Variants in MKLN1 observed in about 807,000 individuals in gnomAD.
The protein encoded by MKLN1 is muskelin 1.
MKLN1 carries 18 observed loss-of-function variants against 99.0 expected under a neutral mutation model. The observed-to-expected ratio is 0.18, with a 90% CI of 0.13 to 0.27. The LOEUF is 0.27. Among genes scored for constraint, MKLN1 ranks in the 10% least tolerant of loss-of-function variants. MKLN1 has a pLI of 1.00. For missense variants in MKLN1, 621 were observed against 875.9 expected (o/e 0.71, Z 3.67); for synonymous variants, 288 against 293.2 (o/e 0.98, Z 0.18).
intron 3 of MKLN1, among the ~76,000 whole-genome samples, chr7:131,271,448 C>T (rs938265817): frequency 1.1e-4 from 17 of 151,146 alleles, no homozygotes; most frequent in Non-Finnish European, 2.2e-4. Context: ...GAAACCGTGT[C>T]TCTACTAAAA....
chr7:131,119,101 T>G (rs1795321655), intron 1 of MKLN1, among the ~76,000 whole-genome samples: 1 of 152,234 alleles, frequency 6.6e-6, no homozygotes, highest in Admixed American at 6.5e-5. Flanking sequence ...CCTATGAGCC[T>G]GTAAAATCAA....
At chr7:131,288,573 T>G (rs1399554045) in intron 3 of MKLN1, among the ~76,000 whole-genome samples, 1 of 151,060 alleles carries the variant, frequency 6.6e-6, no homozygotes, top group Admixed American at 6.6e-5. Flanking sequence ...AGTCTAAGCT[T>G]AAGACTAATA....
chr7:131,329,363 A>G (rs1799000288), intron 1 of MKLN1, among the ~76,000 whole-genome samples: 1 of 152,202 alleles, frequency 6.6e-6, no homozygotes, highest in African/African-American at 2.4e-5. Flanking sequence ...ATTCATGGCC[A>G]TATCCCTGAT....
At chr7:131,309,854 T>TAGCTGGG (rs1337546830) in intron 3 of MKLN1, 1 of 150,030 alleles carries the variant, frequency 6.7e-6, no homozygotes, top group Non-Finnish European at 1.5e-5. Context: ...GCCTCCCGAG[T>TAGCTGGG]AGCTGGGACT....
intron 3 of MKLN1, among the ~76,000 whole-genome samples, chr7:131,318,852 G>A (rs1296562874): frequency 6.6e-6 from 1 of 152,110 alleles, no homozygotes; most frequent in Non-Finnish European, 1.5e-5. Flanking sequence ...TAGAAGAAAT[G>A]GATAAATTCC....
intron 1 of MKLN1, among the ~76,000 whole-genome samples, chr7:131,114,514 C>T (rs903901784): frequency 6.6e-6 from 1 of 151,972 alleles, no homozygotes; most frequent in Non-Finnish European, 1.5e-5. Context: ...CTATGAAAAC[C>T]CTGATATTTA....
chr7:131,158,036 C>G (rs1420806022), intron 2 of MKLN1, among the ~76,000 whole-genome samples: 3 of 152,184 alleles, frequency 2.0e-5, no homozygotes, highest in Non-Finnish European at 4.4e-5. Context: ...GGGCAACAAT[C>G]CTCCGCAAGC....
At chr7:131,166,076 A>G (rs1002222362) in intron 2 of MKLN1, among the ~76,000 whole-genome samples, 2 of 150,792 alleles carry the variant, frequency 1.3e-5, no homozygotes, top group African/African-American at 4.9e-5. Context: ...GATCATGCCC[A>G]TGCACTCCAG....
At chr7:131,313,698 T>C (rs149565423) in intron 3 of MKLN1, among the ~76,000 whole-genome samples, 24 of 152,350 alleles carry the variant, frequency 1.6e-4, no homozygotes, top group East Asian at 7.7e-4. Context: ...GAATCTATCA[T>C]TGGATTTTAT....
At chr7:131,458,843 T>G (rs962750481) in intron 12 of MKLN1, among the ~76,000 whole-genome samples, 3 of 152,216 alleles carry the variant, frequency 2.0e-5, no homozygotes, top group Non-Finnish European at 2.9e-5. Flanking sequence ...ATTTTAAAGT[T>G]GTTATTCCAT....
intron 1 of MKLN1, among the ~76,000 whole-genome samples, chr7:131,343,209 A>T (rs1327145594): frequency 6.6e-6 from 1 of 152,196 alleles, no homozygotes; most frequent in Admixed American, 6.5e-5. Flanking sequence ...ATTTATCCTT[A>T]CCCATGTGCA....
intron 10 of MKLN1, among the ~76,000 whole-genome samples, chr7:131,441,852 G>A (rs1795850489): frequency 6.6e-6 from 1 of 152,130 alleles, no homozygotes; most frequent in Non-Finnish European, 1.5e-5. Context: ...ATAAAAAATG[G>A]AAATAGACTC....
intron 3 of MKLN1, among the ~76,000 whole-genome samples, chr7:131,288,976 T>TA (rs544413177): frequency 3.2e-4 from 48 of 150,280 alleles, no homozygotes; most frequent in Middle Eastern, 3.4e-3. Flanking sequence ...AGCCTTCTTT[T>TA]AAAAAAAAAA....
chr7:131,452,676 G>A (rs558291666), intron 12 of MKLN1, among the ~76,000 whole-genome samples: 1 of 145,696 alleles, frequency 6.9e-6, no homozygotes, highest in African/African-American at 2.5e-5. Flanking sequence ...TCAGCCTCCC[G>A]AATAGCTGGG....
At chr7:131,411,211 TC>T (rs1379151049) in intron 6 of MKLN1, 94 bp from the exon 7 acceptor site, 1 of 672,158 alleles carries the variant, frequency 1.5e-6, no homozygotes, top group Non-Finnish European at 2.5e-6. Context: ...ATTAGTAATT[TC>T]TTTTAATGTA....
chr7:131,198,164 T>G (rs1325032852), intron 2 of MKLN1, among the ~76,000 whole-genome samples: 1 of 152,338 alleles, frequency 6.6e-6, no homozygotes, highest in Admixed American at 6.5e-5. Flanking sequence ...GTAAAGAATG[T>G]ATAAGCCTCA....
chr7:131,483,508 A>AT (rs1370089569), intron 17 of MKLN1, among the ~76,000 whole-genome samples: 2 of 152,188 alleles, frequency 1.3e-5, no homozygotes, highest in Non-Finnish European at 1.5e-5. Flanking sequence ...CTGTTTAAAG[A>AT]TTCCTCATTT....
At chr7:131,225,810 G>T (rs1435849615) in intron 3 of MKLN1, among the ~76,000 whole-genome samples, 1 of 152,198 alleles carries the variant, frequency 6.6e-6, no homozygotes, top group East Asian at 1.9e-4. Context: ...GGCAGACTGG[G>T]TGTGTCTGCT....
intron 1 of MKLN1, among the ~76,000 whole-genome samples, chr7:131,119,040 C>G (rs543028489): frequency 3.3e-5 from 5 of 152,182 alleles, no homozygotes; most frequent in African/African-American, 1.2e-4. Context: ...CCAGCATTAA[C>G]TTAAAAGTTT....
Sources: allele counts gnomAD v4.1 joint callset (sites outside exome capture counted in the v4.1 genomes callset), GRCh38; gene constraint gnomAD v4.1.1; transcripts MANE v1.5; gene names NCBI Gene and HGNC (gene_info 2026-07-23, HGNC 2026-07-21).